Variants in PRKN observed in about 807,000 individuals in gnomAD.
PRKN encodes the protein parkin RBR E3 ubiquitin protein ligase.
PRKN carries 56 observed loss-of-function variants against 59.5 expected under a neutral mutation model. That is an observed-to-expected ratio of 0.94 (90% CI 0.76 to 1.18). The LOEUF is 1.18. PRKN is among the 50% of genes most tolerant of loss of function. The pLI, the probability that PRKN is intolerant of heterozygous loss-of-function variation, is 0.00. For synonymous variants in PRKN, 250 were observed against 222.1 expected (o/e 1.13, Z -1.12); for missense variants, 657 against 596.4 (o/e 1.10, Z -1.06).
At chr6:162,615,439 T>C (rs1782366514) in intron 1 of PRKN, among the ~76,000 whole-genome samples, 1 of 70,560 alleles carries the variant, frequency 1.4e-5, no homozygotes, top group Non-Finnish European at 2.8e-5. Flanking sequence ...TCAATTTCCA[T>C]GAGATGGATT....
At chr6:161,842,268 G>A (rs1281352146) in intron 6 of PRKN, among the ~76,000 whole-genome samples, 1 of 152,002 alleles carries the variant, frequency 6.6e-6, no homozygotes, top group Admixed American at 6.5e-5. Flanking sequence ...GGAGGCCAAG[G>A]CAGGCACACT....
chr6:162,202,988 A>G (rs529879683), intron 3 of PRKN, among the ~76,000 whole-genome samples: 24 of 152,194 alleles, frequency 1.6e-4, no homozygotes, highest in Non-Finnish European at 3.2e-4. Context: ...AAAAAGGAGG[A>G]AGAAAAGGAA....
intron 3 of PRKN, among the ~76,000 whole-genome samples, chr6:162,222,280 A>G (rs1777970400): frequency 6.6e-6 from 1 of 152,186 alleles, no homozygotes; most frequent in Non-Finnish European, 1.5e-5. Context: ...GATGTGCAAA[A>G]GGTCAGAAAT....
chr6:162,643,715 G>A (rs2849550), intron 1 of PRKN, among the ~76,000 whole-genome samples: 93,171 of 151,870 alleles, frequency 0.61, 29,300 homozygotes, highest in African/African-American at 0.75. Context: ...GAATATAGTG[G>A]CTTTCATTAA....
Position 161,405,607 on chromosome 6 carries a change from A to AAAATAAAT in PRKN, c.1084-18738_1084-18731dup, listed in dbSNP as rs10655203. On this transcript the variant is annotated intron_variant, in intron 9 of 11. Transcript: ENST00000366898. This position sits in a 1 kb window ranked among gnomAD's most constrained non-coding sequence, Gnocchi z 5.1. ...AAAAAATAAAATAAAATAAAAATTA[A>AAAATAAAT]AAATAAATAAATAAATAAATAAATA... Among the ~76,000 whole-genome samples, 560 of 145,094 alleles carry AAAATAAAT rather than the reference A, an allele frequency of 3.9e-3. 2 individuals are homozygous for AAAATAAAT. The highest frequency in any genetic ancestry group is 7.2e-3 in the Middle Eastern group (2 of 278).
chr6:161,537,422 C>A (rs1779450392), intron 9 of PRKN, among the ~76,000 whole-genome samples: 1 of 151,868 alleles, frequency 6.6e-6, no homozygotes, highest in African/African-American at 2.4e-5. Context: ...AAATAAAGAA[C>A]AATGCTTCAA....
intron 4 of PRKN, among the ~76,000 whole-genome samples, chr6:162,196,477 G>T (rs2128328561): frequency 6.6e-6 from 1 of 152,306 alleles, no homozygotes; most frequent in African/African-American, 2.4e-5. Context: ...ATGGACCTCA[G>T]TGGATGACTT....
chr6:162,203,226 G>A lies in PRKN; in HGVS notation c.413-1974C>T, dbSNP rs552701113. Among the ~76,000 whole-genome samples the A allele has an allele frequency of 5.9e-5, 9 of 152,220 alleles. 1 individual carries two copies. The South Asian group carries it at 1.7e-3, about 28-fold the overall frequency. The stretch of plus-strand genomic sequence containing the variant: ...AAAGCTAAGGAACTTTTCCACCTCC[G>A]AATGCTACTACCTTCGCTGAAGTCC... On this transcript the variant is annotated intron_variant, in intron 3 of 11. Transcript: ENST00000366898.
chr6:161,809,768 C>G (rs1462676224), intron 6 of PRKN, among the ~76,000 whole-genome samples: 2 of 152,020 alleles, frequency 1.3e-5, no homozygotes, highest in African/African-American at 2.4e-5. Context: ...AGACAAGTCC[C>G]ACATCATCAA....
At chr6:162,714,366 G>A (rs1778647786) in intron 1 of PRKN, among the ~76,000 whole-genome samples, 1 of 152,152 alleles carries the variant, frequency 6.6e-6, no homozygotes, top group Admixed American at 6.5e-5. Context: ...GAGATGCAGG[G>A]ACACTGGTGA....
At chr6:162,514,242 A>G (rs776884732) in intron 1 of PRKN, among the ~76,000 whole-genome samples, 73 of 151,694 alleles carry the variant, frequency 4.8e-4, no homozygotes, top group Non-Finnish European at 9.3e-4. Context: ...TTGGTTGGTT[A>G]GTTTTTACCT....
chr6:161,512,104 A>G lies in PRKN; in HGVS notation c.1083+36750T>C, dbSNP rs909377530. On this transcript the variant is annotated intron_variant, in intron 9 of 11. Transcript: ENST00000366898. ...TTGATGGGAATAAGAACACAAGTGT[A>G]CCTAATCTATTCAATGTAAGTCTGA... Among the ~76,000 whole-genome samples, 43 of 152,228 alleles carry G rather than the reference A, an allele frequency of 2.8e-4. 1 individual carries two copies.
intron 3 of PRKN, among the ~76,000 whole-genome samples, chr6:162,216,245 T>A (rs964757357): frequency 6.6e-6 from 1 of 151,370 alleles, no homozygotes; most frequent in East Asian, 2.0e-4. Flanking sequence ...AAAACCCAGT[T>A]TGCGGCCGGG....
At chr6:162,187,004 T>C (rs772721203) in intron 4 of PRKN, among the ~76,000 whole-genome samples, 8 of 152,212 alleles carry the variant, frequency 5.3e-5, no homozygotes, top group Non-Finnish European at 8.8e-5. Flanking sequence ...TCCCACTTGA[T>C]AATGTTAAAG....
intron 3 of PRKN, among the ~76,000 whole-genome samples, chr6:162,216,536 CAAAAAAA>C (rs35025497): frequency 5.7e-5 from 2 of 34,974 alleles, no homozygotes; most frequent in African/African-American, 7.7e-5. Flanking sequence ...GACTCCGTCT[CAAAAAAA>C]AAAAAAAAAA....
intron 1 of PRKN, among the ~76,000 whole-genome samples, chr6:162,445,915 G>A (rs1790296722): frequency 6.6e-6 from 1 of 151,946 alleles, no homozygotes; most frequent in African/African-American, 2.4e-5. Flanking sequence ...ACTCCAGTGA[G>A]GGCAGGTGGT....
At position 162,694,309 on chromosome 6, in the gene PRKN, GCTTAACCTCTATTGCTTCTCTCATT is replaced by G. The variant is rs112198849; in HGVS notation, c.7+33328_7+33352del. Among the ~76,000 whole-genome samples, 778 of 151,186 alleles carry G rather than the reference GCTTAACCTCTATTGCTTCTCTCATT, an allele frequency of 5.1e-3. 7 individuals carry two copies. Among genetic ancestry groups the G allele is most frequent in the African/African-American group, 0.017 (711 of 41,220 alleles). ...TTTCTGTCAATAGCAGCAATCAGTAGCTTAACCTCTATTGCTTCTCTCATTCTACATGGCAGAGATAGCAGTGATA... is the reference window on the plus strand; with the variant it reads ...TTTCTGTCAATAGCAGCAATCAGTAGCTACATGGCAGAGATAGCAGTGATA... On this transcript the variant is annotated intron_variant, in intron 1 of 11. Transcript: ENST00000366898.
chr6:162,240,281 C>T (rs181491204), intron 3 of PRKN, among the ~76,000 whole-genome samples: 202 of 152,214 alleles, frequency 1.3e-3, no homozygotes, highest in Non-Finnish European at 1.7e-3. Flanking sequence ...TAAGTGTTTT[C>T]GAAGACTATG....
At chr6:161,707,132 A>C (rs571159938) in intron 7 of PRKN, among the ~76,000 whole-genome samples, 33 of 152,198 alleles carry the variant, frequency 2.2e-4, no homozygotes, top group Non-Finnish European at 4.4e-4. Flanking sequence ...TATTGACTTC[A>C]ACATTATAGC....
Sources: allele counts gnomAD v4.1 joint callset (sites outside exome capture counted in the v4.1 genomes callset), GRCh38; gene constraint gnomAD v4.1.1; non-coding constraint Gnocchi (gnomAD v3.1); transcripts MANE v1.5; gene names NCBI Gene and HGNC (gene_info 2026-07-23, HGNC 2026-07-21).